Variants in KDM2A observed in about 807,000 individuals in gnomAD.
KDM2A encodes the protein lysine-specific demethylase 2A.
KDM2A carries 3 observed loss-of-function variants against 137.3 expected under a neutral mutation model. The observed-to-expected ratio is 0.02, with a 90% CI of 0.01 to 0.06. The LOEUF is 0.06. Ranked by LOEUF, KDM2A falls within the 10% of genes least tolerant of loss-of-function variation. The pLI, the probability that KDM2A is intolerant of heterozygous loss-of-function variation, is 1.00. For synonymous variants in KDM2A, 512 were observed against 541.5 expected (o/e 0.95, Z 0.76); for missense variants, 738 against 1,510.6 (o/e 0.49, Z 8.48).
chr11:67,191,200 G>A (rs1193520769), intron 5 of KDM2A, among the ~76,000 whole-genome samples: 1 of 152,036 alleles, frequency 6.6e-6, no homozygotes, highest in East Asian at 1.9e-4. Context: ...CTAATTTTTT[G>A]TATTTTAGTA....
intron 12 of KDM2A, 37 bp downstream of exon 12, chr11:67,231,997 C>G (rs779120035): frequency 6.5e-7 from 1 of 1,539,310 alleles, no homozygotes; most frequent in Non-Finnish European, 8.7e-7. Flanking sequence ...GCTACTGATC[C>G]AGCTATGGCA....
At chr11:67,124,897 G>A (rs1401151271) in intron 2 of KDM2A, among the ~76,000 whole-genome samples, 2 of 145,714 alleles carry the variant, frequency 1.4e-5, no homozygotes, top group East Asian at 2.1e-4. Context: ...TTGCTCTGTC[G>A]CCCAGGCTGG....
intron 5 of KDM2A, among the ~76,000 whole-genome samples, chr11:67,182,300 A>G (rs146308660): frequency 1.2e-3 from 186 of 152,306 alleles, no homozygotes; most frequent in African/African-American, 4.1e-3. Context: ...CTTGCCTAAG[A>G]CTTGAAACTT....
At chr11:67,160,803 C>A (rs879258571) in intron 2 of KDM2A, among the ~76,000 whole-genome samples, 1 of 151,960 alleles carries the variant, frequency 6.6e-6, no homozygotes, top group African/African-American at 2.4e-5. Flanking sequence ...ATGAGATAGA[C>A]CTTCTCATTA....
intron 5 of KDM2A, among the ~76,000 whole-genome samples, chr11:67,192,433 C>CTTTTTTTTTTTT (rs921321640): frequency 1.1e-4 from 8 of 70,534 alleles, no homozygotes; most frequent in African/African-American, 2.8e-4. Flanking sequence ...GTTTCCATTT[C>CTTTTTTTTTTTT]TTTTTTTTTT....
At position 67,254,971 on chromosome 11, in the gene KDM2A, A is replaced by T; in HGVS notation, c.3405A>T (p.Lys1135Asn). The change falls in exon 21 of 21, where the codon AAA becomes AAT. Residue 1135 changes from lysine (K) to asparagine (N), a missense_variant. By Grantham distance (94) the Lys-to-Asn change is moderately conservative. Transcript: ENST00000529006. This position sits in a 1 kb window ranked among gnomAD's most constrained non-coding sequence, Gnocchi z 4.7. ...GAGGATGCAAGCAGATCACTCGAAA[A>T]GCCTGCGAGCACTTCATCTCAGACT... ...DLRGCKQITR[K>N]ACEHFISDLS... 1 of 1,613,852 alleles carries T rather than the reference A, an allele frequency of 6.2e-7. No individual in the cohort carries two copies. Among genetic ancestry groups the T allele is most frequent in the Non-Finnish European group, 8.5e-7 (1 of 1,179,808 alleles).
intron 5 of KDM2A, among the ~76,000 whole-genome samples, chr11:67,205,577 A>G (rs1165266082): frequency 6.6e-6 from 1 of 151,820 alleles, no homozygotes; most frequent in Non-Finnish European, 1.5e-5. Context: ...ACGGGCACGC[A>G]CCACCATGCC....
intron 12 of KDM2A, among the ~76,000 whole-genome samples, chr11:67,235,313 T>C: frequency 6.6e-6 from 1 of 150,736 alleles, no homozygotes; most frequent in East Asian, 2.0e-4. Context: ...TTTTTTTTTT[T>C]TTTTTTTTGA....
intron 2 of KDM2A, among the ~76,000 whole-genome samples, chr11:67,144,698 G>C (rs1049299131): frequency 2.0e-5 from 3 of 151,686 alleles, no homozygotes; most frequent in African/African-American, 4.8e-5. Context: ...TGAGTAACTG[G>C]GAGTACCGGC....
At chr11:67,225,166 A>G (rs1158363797) in intron 10 of KDM2A, among the ~76,000 whole-genome samples, 2 of 152,058 alleles carry the variant, frequency 1.3e-5, no homozygotes, top group African/African-American at 4.8e-5. Context: ...GCCACGAACT[A>G]TCTCGCTTTT....
chr11:67,249,989 C>G, intron 16 of KDM2A, 97 bp from the exon 17 acceptor site: 1 of 1,012,698 alleles, frequency 9.9e-7, no homozygotes, highest in Non-Finnish European at 1.4e-6. Context: ...CCTTTCTTCT[C>G]TCTGGTCCCC....
chr11:67,152,659 A>G (rs1856420227), intron 2 of KDM2A, among the ~76,000 whole-genome samples: 1 of 151,948 alleles, frequency 6.6e-6, no homozygotes, highest in African/African-American at 2.4e-5. Flanking sequence ...TAAATTACAT[A>G]TGTAGCTTAC....
chr11:67,149,720 A>G (rs561519501), intron 2 of KDM2A, among the ~76,000 whole-genome samples: 18 of 149,810 alleles, frequency 1.2e-4, no homozygotes, highest in South Asian at 4.2e-4. Flanking sequence ...AGGTATTAGA[A>G]TCTTTTTTTT....
At chr11:67,122,643 TTTTATTTATTTA>T (rs561153207) in intron 2 of KDM2A, among the ~76,000 whole-genome samples, 12,604 of 144,544 alleles carry the variant, frequency 0.087, 1,810 homozygotes, top group African/African-American at 0.3. Context: ...TTTTATTTAT[TTTTATTTATTTA>T]TTTATTTATT....
intron 2 of KDM2A, among the ~76,000 whole-genome samples, chr11:67,126,066 G>C (rs868395872): frequency 6.7e-6 from 1 of 148,264 alleles, no homozygotes; most frequent in South Asian, 2.2e-4. Context: ...ACACAACATG[G>C]AGAAACCCCG....
chr11:67,184,869 A>G (rs1271310479), intron 5 of KDM2A, among the ~76,000 whole-genome samples: 1 of 152,168 alleles, frequency 6.6e-6, no homozygotes, highest in Non-Finnish European at 1.5e-5. Context: ...ATAATAAAAC[A>G]CAAAAAACCC....
chr11:67,135,695 CT>C (rs970697754), intron 2 of KDM2A, among the ~76,000 whole-genome samples: 3 of 152,116 alleles, frequency 2.0e-5, no homozygotes, highest in Admixed American at 2.0e-4. Context: ...TTCTTTGTCT[CT>C]TGTGTCTTTT....
intron 2 of KDM2A, among the ~76,000 whole-genome samples, chr11:67,121,890 T>C (rs1302746722): frequency 6.6e-6 from 1 of 152,220 alleles, no homozygotes; most frequent in East Asian, 1.9e-4. Flanking sequence ...TACTGGATGC[T>C]GATAAAGTTC....
At chr11:67,126,136 C>G (rs182650356) in intron 2 of KDM2A, among the ~76,000 whole-genome samples, 74 of 151,160 alleles carry the variant, frequency 4.9e-4, no homozygotes, top group African/African-American at 1.7e-3. Flanking sequence ...ATCCCAGCTA[C>G]TCAGGAGGCT....
Sources: allele counts gnomAD v4.1 joint callset (sites outside exome capture counted in the v4.1 genomes callset), GRCh38; gene constraint gnomAD v4.1.1; non-coding constraint Gnocchi (gnomAD v3.1); transcripts MANE v1.5; gene names NCBI Gene and HGNC (gene_info 2026-07-23, HGNC 2026-07-21).